The following ALK variants were observed in gnomAD, a reference collection of about 807,000 sequenced individuals.
ALK encodes ALK receptor tyrosine kinase, also known as ALK tyrosine kinase receptor.
A neutral mutation model predicts 163.1 loss-of-function variants in ALK; 74 were observed. That is an observed-to-expected ratio of 0.45 (90% CI 0.38 to 0.55). The LOEUF is 0.55. Among genes scored for constraint, ALK ranks in the 20% least tolerant of loss-of-function variants. ALK has a pLI of 0.00. For synonymous variants in ALK, 960 were observed against 843.2 expected (o/e 1.14, Z -2.40); for missense variants, 2,063 against 2,105.3 (o/e 0.98, Z 0.39).
At chr2:29,494,498 T>C (rs1423786588) in intron 4 of ALK, among the ~76,000 whole-genome samples, 1 of 152,092 alleles carries the variant, frequency 6.6e-6, no homozygotes, top group African/African-American at 2.4e-5. Flanking sequence ...GCCATGATCC[T>C]ATGAGAGACA....
chr2:29,223,664 A>AAT lies in ALK; in HGVS notation c.3173-138_3173-137dup. On this transcript the variant is annotated intron_variant, in intron 19 of 28. Transcript: ENST00000389048. ...TCTGAACCTTTCCATCATACTTAGA[A>AAT]ATACTAATAAAATGATTAAAGAAGG... 5 of 733,782 alleles carry AAT rather than the reference A, an allele frequency of 6.8e-6. 1 individual carries two copies. In the South Asian group the frequency reaches 8.3e-5, roughly 12 times the overall value. 45.5% of individuals were successfully genotyped at this position (733,782 alleles called of 1,614,324 possible).
intron 4 of ALK, among the ~76,000 whole-genome samples, chr2:29,404,651 T>C (rs776389283): frequency 7.2e-5 from 11 of 152,242 alleles, no homozygotes; most frequent in Non-Finnish European, 1.5e-4. Flanking sequence ...TTATTGAGTA[T>C]AGTGTGCGCC....
intron 4 of ALK, among the ~76,000 whole-genome samples, chr2:29,512,618 A>G (rs1293880989): frequency 1.3e-5 from 2 of 148,900 alleles, no homozygotes; most frequent in African/African-American, 5.0e-5. Flanking sequence ...CACCACTCCT[A>G]TTCAACATAG....
chr2:29,344,651 G>T (rs1294850008), intron 5 of ALK, among the ~76,000 whole-genome samples: 1 of 152,232 alleles, frequency 6.6e-6, no homozygotes, highest in East Asian at 1.9e-4. Context: ...GCATGAAAAA[G>T]TTACCTGCCC....
At chr2:29,434,285 T>A (rs989902817) in intron 4 of ALK, among the ~76,000 whole-genome samples, 7 of 152,210 alleles carry the variant, frequency 4.6e-5, no homozygotes, top group Non-Finnish European at 1.0e-4. Flanking sequence ...AATGACCTAA[T>A]GCAAATGAGA....
chr2:29,907,709 G>T lies in ALK; in HGVS notation c.667+12284C>A, dbSNP rs146488805. ...GGAAAACTCATCTCTTTTTTTCAAG[G>T]ATTAAATTACCACGTGCATGTAAAT... On this transcript the variant is annotated intron_variant, in intron 1 of 28. Transcript: ENST00000389048. 1.1e-4 allele frequency among the ~76,000 whole-genome samples: 17 copies of T among 151,774 alleles called. No individual in the cohort carries two copies. In the East Asian group the frequency reaches 3.3e-3, roughly 29 times the overall value.
At chr2:29,287,701 A>G (rs539636424) in intron 9 of ALK, among the ~76,000 whole-genome samples, 2 of 152,062 alleles carry the variant, frequency 1.3e-5, no homozygotes, top group East Asian at 3.9e-4. Context: ...CTTCCTGTTC[A>G]AGGCTTCCTA....
intron 1 of ALK, among the ~76,000 whole-genome samples, chr2:29,810,305 C>CGGGAGGCTGAGG (rs1322607394): frequency 6.6e-6 from 1 of 151,762 alleles, no homozygotes; most frequent in Admixed American, 6.6e-5. Flanking sequence ...GCCTGTAATT[C>CGGGAGGCTGAGG]CAGCTACTCG....
At chr2:29,387,916 T>G (rs1669071246) in intron 4 of ALK, among the ~76,000 whole-genome samples, 1 of 152,192 alleles carries the variant, frequency 6.6e-6, no homozygotes, top group South Asian at 2.1e-4. Flanking sequence ...AACCTATGGA[T>G]CAGTCTATAC....
intron 3 of ALK, among the ~76,000 whole-genome samples, chr2:29,594,046 G>A (rs1193914910): frequency 6.6e-6 from 1 of 152,102 alleles, no homozygotes; most frequent in African/African-American, 2.4e-5. Context: ...GATTTTACTA[G>A]TATCTAGTGG....
intron 1 of ALK, among the ~76,000 whole-genome samples, chr2:29,770,615 G>A (rs1180927357): frequency 6.6e-6 from 1 of 152,146 alleles, no homozygotes; most frequent in African/African-American, 2.4e-5. Context: ...AGATTTAAAA[G>A]AAGATAAATT....
At chr2:29,409,437 T>C (rs923293225) in intron 4 of ALK, among the ~76,000 whole-genome samples, 7 of 152,188 alleles carry the variant, frequency 4.6e-5, no homozygotes, top group Admixed American at 2.6e-4. Flanking sequence ...ACGGGACCAT[T>C]GGCACTGTTT....
At position 29,582,118 on chromosome 2, in the gene ALK, G is replaced by C. The variant is rs377555370; in HGVS notation, c.953-50002C>G. 6.9e-4 allele frequency among the ~76,000 whole-genome samples: 105 copies of C among 152,336 alleles called. 3 individuals are homozygous for C. In the Middle Eastern group the frequency reaches 0.017, roughly 25 times the overall value. Reference sequence around the variant, plus strand: ...CCCACTTAAGCCCTGACCTTGAGTTGCTCAGTCTTCATGAGAAGGGAGATC... The same window carrying C: ...CCCACTTAAGCCCTGACCTTGAGTTCCTCAGTCTTCATGAGAAGGGAGATC... On this transcript the variant is annotated intron_variant, in intron 3 of 28. Coordinates refer to ENST00000389048, the MANE Select transcript of ALK (RefSeq NM_004304.5).
chr2:29,566,037 G>A (rs748525892), intron 3 of ALK, among the ~76,000 whole-genome samples: 19 of 152,232 alleles, frequency 1.2e-4, no homozygotes, highest in Admixed American at 4.6e-4. Context: ...GAGATGCTCC[G>A]TATGAGAGGT....
At chr2:29,275,078 A>T in intron 11 of ALK, 21 bp downstream of exon 11, 1 of 1,613,858 alleles carries the variant, frequency 6.2e-7, no homozygotes, top group Non-Finnish European at 8.5e-7. Context: ...CTGTGCTCAC[A>T]TTTGTGAGCT....
At chr2:29,562,138 T>A (rs1264288419) in intron 3 of ALK, among the ~76,000 whole-genome samples, 1 of 152,220 alleles carries the variant, frequency 6.6e-6, no homozygotes, top group Admixed American at 6.5e-5. Flanking sequence ...CAGTTTCTGC[T>A]GGACAACCAT....
chr2:29,771,104 T>C (rs1486453824), intron 1 of ALK, among the ~76,000 whole-genome samples: 1 of 151,540 alleles, frequency 6.6e-6, no homozygotes, highest in African/African-American at 2.4e-5. Flanking sequence ...AATACACACG[T>C]ACACATACAT....
At chr2:29,348,626 T>A (rs1490300185) in intron 5 of ALK, among the ~76,000 whole-genome samples, 1 of 152,220 alleles carries the variant, frequency 6.6e-6, no homozygotes, top group African/African-American at 2.4e-5. Flanking sequence ...TGCTCACAGC[T>A]CGTATGGTAA....
intron 5 of ALK, among the ~76,000 whole-genome samples, chr2:29,366,192 G>A (rs1343963929): frequency 6.6e-6 from 1 of 152,136 alleles, no homozygotes; most frequent in African/African-American, 2.4e-5. Flanking sequence ...AAGTCACAGA[G>A]TGAGGCAGAA....
Sources: gnomAD v4.1 joint callset for allele counts (sites outside exome capture counted in the v4.1 genomes callset) on GRCh38, gnomAD v4.1.1 for gene constraint, MANE v1.5 for transcripts, NCBI Gene and HGNC (gene_info 2026-07-23, HGNC 2026-07-21) for gene names.